Variants in PTPRB observed in about 807,000 individuals in gnomAD.
PTPRB encodes the protein protein tyrosine phosphatase receptor type B, also known as receptor-type tyrosine-protein phosphatase beta.
A neutral mutation model predicts 238.1 loss-of-function variants in PTPRB; 97 were observed. The observed-to-expected ratio is 0.41, with a 90% CI of 0.35 to 0.48. The LOEUF is 0.48. Ranked by LOEUF, PTPRB falls within the 20% of genes least tolerant of loss-of-function variation. PTPRB has a pLI of 0.30. For missense variants in PTPRB, 2,292 were observed against 2,681.9 expected (o/e 0.85, Z 3.21); for synonymous variants, 970 against 995.4 (o/e 0.97, Z 0.48).
At position 70,631,068 on chromosome 12, in the gene PTPRB, G is replaced by T. The variant is rs564405485; in HGVS notation, c.451+4603C>A. Among the ~76,000 whole-genome samples, 9 of 152,134 alleles carry T rather than the reference G, an allele frequency of 5.9e-5. No homozygotes were observed. The South Asian group carries it at 1.5e-3, about 25-fold the overall frequency. On this transcript the variant is annotated intron_variant, in intron 2 of 33. Transcript: ENST00000334414. The stretch of plus-strand genomic sequence containing the variant: ...ACCAATGACTTTCTTCACAGAATTG[G>T]AAAAAACTACTTTAAAGTTCATATG...
chr12:70,542,891 AAGG>A, intron 22 of PTPRB: 1 of 150,690 alleles, frequency 6.6e-6, no homozygotes, highest in Non-Finnish European at 1.5e-5. Context: ...TCTCAAAAAA[AAGG>A]AAAAAAAAAA....
intron 4 of PTPRB, among the ~76,000 whole-genome samples, chr12:70,602,037 T>C (rs1041010106): frequency 8.6e-5 from 13 of 151,908 alleles, no homozygotes; most frequent in Non-Finnish European, 1.5e-4. Flanking sequence ...TGTTGTGATC[T>C]GCCCACCTCG....
In PTPRB at chr12:70,539,688, C is replaced by CTGA; in HGVS notation, c.5712_5714dup (p.Asn1904_Gln1905insHis). The CTGA allele has an allele frequency of 1.3e-6, 2 of 1,598,128 alleles. No individual in the cohort carries two copies. The highest frequency in any genetic ancestry group is 1.7e-6 in the Non-Finnish European group (2 of 1,170,080). On this transcript the variant is annotated inframe_insertion, in exon 26 of 34. Transcript: ENST00000334414. ...GTAGCTTCATGAAATGCCCTTCAAACTGATTTATTTTTATTGGACTGTAAT... is the reference window on the plus strand; with the variant it reads ...GTAGCTTCATGAAATGCCCTTCAAACTGATGATTTATTTTTATTGGACTGTAAT...
intron 32 of PTPRB, among the ~76,000 whole-genome samples, chr12:70,529,088 T>G (rs1162794507): frequency 4.0e-5 from 6 of 151,878 alleles, no homozygotes; most frequent in African/African-American, 1.5e-4. Context: ...AGAGAAAGGG[T>G]GGTGCCTTGA....
intron 32 of PTPRB, among the ~76,000 whole-genome samples, chr12:70,525,915 T>C (rs1243813634): frequency 6.6e-6 from 1 of 151,604 alleles, no homozygotes; most frequent in Admixed American, 6.6e-5. Context: ...CCTTTGTCTA[T>C]TAAAGGATAT....
At chr12:70,528,404 G>A (rs1480634083) in intron 32 of PTPRB, among the ~76,000 whole-genome samples, 1 of 152,060 alleles carries the variant, frequency 6.6e-6, no homozygotes, top group Admixed American at 6.6e-5. Flanking sequence ...GATGGTGGCA[G>A]TGGTGGCGAA....
rs1480551223 is a variant in PTPRB, at chr12:70,596,354, CAAAAAAAAAAAAGAAAGAA to C, written c.980-46_980-28del. ...TGCAAGGCAAATACACACACACACA[CAAAAAAAAAAAAGAAAGAA>C]AAAGAAAAAAAAAGAACATGGCTTG... is the stretch of plus-strand genomic sequence containing the variant. On this transcript the variant is annotated intron_variant, in intron 4 of 33. Transcript: ENST00000334414. The C allele has an allele frequency of 1.7e-5, 19 of 1,123,374 alleles. No individual in the cohort carries two copies. In the African/African-American group the frequency reaches 3.2e-4, roughly 19 times the overall value. 69.6% of individuals were successfully genotyped at this position (1,123,374 alleles called of 1,614,324 possible).
At position 70,563,012 on chromosome 12, in the gene PTPRB, T is replaced by C. The variant is rs113376108; in HGVS notation, c.4000A>G (p.Asn1334Asp). Residue 1334 changes from asparagine to aspartate, a missense_variant, in exon 16 of 34, where the codon AAC (asparagine) becomes GAC (aspartate). By Grantham distance (23) the Asn-to-Asp change is conservative (BLOSUM62 1). This residue lies in a region of PTPRB where 683 missense variants were observed against 862.0 expected (regional missense o/e 0.79). Coordinates refer to ENST00000334414, the MANE Select transcript of PTPRB (RefSeq NM_001109754.4). ...CCATCTGGGTTGTACAAAAAGATGT[T>C]GTACCAGCTGAGCTCCCCCTCTGAG... is the stretch of plus-strand genomic sequence containing the variant. The part of the protein sequence containing the change: ...TASEGELSWY[N>D]IFLYNPDGNL... The C allele has an allele frequency of 8.1e-6, 13 of 1,613,966 alleles. No individual in the cohort carries two copies. Among genetic ancestry groups the C allele is most frequent in the Non-Finnish European group, 1.1e-5 (13 of 1,179,864 alleles).
At chr12:70,588,322 G>A (rs182035680) in intron 8 of PTPRB, among the ~76,000 whole-genome samples, 140 of 152,200 alleles carry the variant, frequency 9.2e-4, no homozygotes, top group African/African-American at 3.1e-3. Flanking sequence ...TGAATAAGGT[G>A]AACCAGAGAC....
At chr12:70,623,169 G>A (rs930880875) in intron 2 of PTPRB, among the ~76,000 whole-genome samples, 2 of 152,152 alleles carry the variant, frequency 1.3e-5, no homozygotes, top group Non-Finnish European at 2.9e-5. Flanking sequence ...GGAAAGTAAT[G>A]ACACTTCGTT....
At position 70,556,143 on chromosome 12, in the gene PTPRB, C is replaced by A; in HGVS notation, c.4720G>T (p.Asp1574Tyr). ...PIFGSVRTKP[D>Y]KIQNLHCRPQ... ...CGGCAATGCAGGTTTTGTATCTTGT[C>A]AGGCTCTAAAGGAAACAGAGGAGGC... The change falls in exon 19 of 34, where the codon GAC becomes TAC. Residue 1574 changes from aspartate (D) to tyrosine (Y), a missense_variant. Asp to Tyr is a radical substitution (Grantham distance 160). Around this residue, in one of 4 missense-constraint regions of PTPRB, gnomAD observed 683 missense variants for 862.0 expected, o/e 0.79. Coordinates refer to ENST00000334414, the MANE Select transcript of PTPRB (RefSeq NM_001109754.4). The A allele has an allele frequency of 1.9e-6, 3 of 1,612,802 alleles. No homozygotes were observed. The highest frequency in any genetic ancestry group is 2.5e-6 in the Non-Finnish European group (3 of 1,179,184).
intron 16 of PTPRB, among the ~76,000 whole-genome samples, chr12:70,562,441 T>C (rs1878613000): frequency 6.6e-6 from 1 of 152,224 alleles, no homozygotes; most frequent in African/African-American, 2.4e-5. Context: ...TTCGCAGCAG[T>C]CACTGCCTGT....
At chr12:70,567,408 C>T (rs1176918858) in intron 14 of PTPRB, among the ~76,000 whole-genome samples, 1 of 152,068 alleles carries the variant, frequency 6.6e-6, no homozygotes, top group Non-Finnish European at 1.5e-5. Flanking sequence ...CCAAATTGGA[C>T]TCCTCATCTC....
intron 15 of PTPRB, among the ~76,000 whole-genome samples, chr12:70,563,585 A>T (rs530435380): frequency 2.0e-5 from 3 of 152,280 alleles, no homozygotes; most frequent in African/African-American, 7.2e-5. Flanking sequence ...AATCAGTCTC[A>T]TTCAATTTAT....
At chr12:70,628,920 A>G (rs1885323383) in intron 2 of PTPRB, among the ~76,000 whole-genome samples, 1 of 152,148 alleles carries the variant, frequency 6.6e-6, no homozygotes, top group Non-Finnish European at 1.5e-5. Context: ...ATTGCACAGA[A>G]GACAAAAGCA....
At chr12:70,590,464 T>C (rs1882371295) in intron 7 of PTPRB, among the ~76,000 whole-genome samples, 1 of 152,196 alleles carries the variant, frequency 6.6e-6, no homozygotes, top group Admixed American at 6.5e-5. Flanking sequence ...TGTAATCTTC[T>C]GTTGTAGTGT....
chr12:70,528,561 G>A (rs1270933883), intron 32 of PTPRB, among the ~76,000 whole-genome samples: 2 of 152,066 alleles, frequency 1.3e-5, no homozygotes, highest in African/African-American at 4.8e-5. Context: ...TTGGATGTGG[G>A]AACTGGAGGA....
chr12:70,524,505 T>C lies in PTPRB; in HGVS notation c.6591A>G (p.Pro2197=), dbSNP rs764169246. 1.2e-6 allele frequency: 2 copies of C among 1,613,426 alleles called. No homozygotes were observed. Among genetic ancestry groups the C allele is most frequent in the Admixed American group, 3.3e-5 (2 of 59,936 alleles). ...ACTCTGGATTCACATTTTCATAGAT[T>C]GGAAACAAGGGGTTTTCTTGTTCAC... ...LRSEQENPLF[P]IYENVNPEYH... Residue 2197 remains proline, a synonymous_variant, in exon 33 of 34, where the codon CCA becomes CCG. Coordinates refer to ENST00000334414, the MANE Select transcript of PTPRB (RefSeq NM_001109754.4).
At chr12:70,566,049 T>A (rs1330015685) in intron 15 of PTPRB, among the ~76,000 whole-genome samples, 1 of 152,122 alleles carries the variant, frequency 6.6e-6, no homozygotes, top group Non-Finnish European at 1.5e-5. Flanking sequence ...AAGGAGTGGA[T>A]TCTCCCTCTA....
Sources: gnomAD v4.1 joint callset for allele counts (sites outside exome capture counted in the v4.1 genomes callset) on GRCh38, gnomAD v4.1.1 for gene constraint, gnomAD v4.1.1 regional missense constraint, MANE v1.5 for transcripts, NCBI Gene and HGNC (gene_info 2026-07-23, HGNC 2026-07-21) for gene names.